SLC4A4: variants seen among roughly 807,000 people sequenced by gnomAD.
SLC4A4 encodes the protein solute carrier family 4 member 4, also known as electrogenic sodium bicarbonate cotransporter 1.
Under a neutral mutation model 111.5 loss-of-function variants are expected in SLC4A4, and 27 were observed. The observed-to-expected ratio is 0.24, with a 90% CI of 0.18 to 0.33. The LOEUF (loss-of-function observed/expected upper bound fraction) is 0.33. Ranked by LOEUF, SLC4A4 falls within the 10% of genes least tolerant of loss-of-function variation. SLC4A4 has a pLI of 1.00. For synonymous variants in SLC4A4, 443 were observed against 463.4 expected, an observed-to-expected ratio of 0.96 and a Z score of 0.57; for missense variants, 909 against 1,315.5, an observed-to-expected ratio of 0.69 and a Z score of 4.78.
chr4:71,518,659 G>A (rs1732635457), intron 16 of SLC4A4, among the ~76,000 whole-genome samples: 1 of 152,022 alleles, frequency 6.6e-6, no homozygotes, highest in East Asian at 1.9e-4. Context: ...GTCTGGCCTG[G>A]TGCTGGGGGT....
rs1233481980 is a variant in SLC4A4 at position 71,247,986 on chromosome 4, C to T, written c.74-7234C>T. On this transcript the variant is annotated intron_variant, in intron 2 of 25. Coordinates refer to ENST00000264485, the MANE Select transcript of SLC4A4 (RefSeq NM_001098484.3). ...TTGAAAGCTCTGGGGGAAACTTTGC[C>T]CAAATCAGGGTGGAGATTGCCAAGC... Among the ~76,000 whole-genome samples the T allele has an allele frequency of 3.3e-5, 5 of 152,010 alleles. No individual in the cohort carries two copies. In the East Asian group the frequency reaches 9.7e-4, roughly 29 times the overall value.
At chr4:71,421,281 G>A (rs1722462365) in intron 7 of SLC4A4, among the ~76,000 whole-genome samples, 1 of 152,154 alleles carries the variant, frequency 6.6e-6, no homozygotes, top group African/African-American at 2.4e-5. Flanking sequence ...AACAAGAAGA[G>A]CTAACTATCC....
chr4:71,447,410 T>C (rs1725335589), intron 8 of SLC4A4, among the ~76,000 whole-genome samples: 1 of 152,204 alleles, frequency 6.6e-6, no homozygotes, highest in Non-Finnish European at 1.5e-5. Context: ...GTGAAGAAGC[T>C]TCTCAGGTTT....
At chr4:71,396,820 C>A (rs1392495417) in intron 6 of SLC4A4, among the ~76,000 whole-genome samples, 1 of 152,152 alleles carries the variant, frequency 6.6e-6, no homozygotes, top group Non-Finnish European at 1.5e-5. Flanking sequence ...ATATTGACAG[C>A]TGCTATATGG....
intron 3 of SLC4A4, among the ~76,000 whole-genome samples, chr4:71,331,662 A>G (rs1405908758): frequency 6.6e-6 from 1 of 151,570 alleles, no homozygotes; most frequent in East Asian, 1.9e-4. Context: ...GCACACCAAC[A>G]TGGCACATGT....
chr4:71,158,490 G>A (rs1744536686), intron 2 of SLC4A4, among the ~76,000 whole-genome samples: 2 of 152,248 alleles, frequency 1.3e-5, no homozygotes, highest in South Asian at 2.1e-4. Context: ...GCTGAATTGA[G>A]GTTTTAAATA....
chr4:71,113,940 C>T (rs1743172048), intron 2 of SLC4A4, among the ~76,000 whole-genome samples: 1 of 152,016 alleles, frequency 6.6e-6, no homozygotes, highest in African/African-American at 2.4e-5. Flanking sequence ...AGACTAAATC[C>T]AATGTACTTT....
intron 2 of SLC4A4, among the ~76,000 whole-genome samples, chr4:71,180,753 G>A (rs1024872663): frequency 1.3e-5 from 2 of 152,144 alleles, no homozygotes; most frequent in African/African-American, 4.8e-5. Context: ...CTGTTGGTGG[G>A]ACTAAACTAA....
intron 1 of SLC4A4, among the ~76,000 whole-genome samples, chr4:71,231,442 C>T (rs937682228): frequency 3.3e-5 from 5 of 152,180 alleles, no homozygotes; most frequent in Admixed American, 6.5e-5. Context: ...CTGGTGAAAG[C>T]CGGTCCTTTT....
At chr4:71,072,928 C>A (rs114496650) in intron 1 of SLC4A4, among the ~76,000 whole-genome samples, 3 of 151,790 alleles carry the variant, frequency 2.0e-5, no homozygotes, top group Non-Finnish European at 2.9e-5. Flanking sequence ...CCACTATGCC[C>A]AGTTAATTTT....
intron 7 of SLC4A4, among the ~76,000 whole-genome samples, chr4:71,423,561 G>A (rs1479092945): frequency 6.6e-6 from 1 of 152,098 alleles, no homozygotes; most frequent in African/African-American, 2.4e-5. Flanking sequence ...GAACAAAGCT[G>A]GAGGCATCAC....
intron 2 of SLC4A4, among the ~76,000 whole-genome samples, chr4:71,100,440 A>C (rs1237163079): frequency 1.3e-5 from 2 of 152,312 alleles, no homozygotes; most frequent in Non-Finnish European, 2.9e-5. Flanking sequence ...TATTAAAGGA[A>C]ACTACCTAAA....
At position 71,540,412 on chromosome 4, in the gene SLC4A4, A is replaced by C. The variant is rs533434908; in HGVS notation, c.2443-5938A>C. Among the ~76,000 whole-genome samples the C allele has an allele frequency of 2.0e-5, 3 of 152,342 alleles. 1 individual carries two copies. In the South Asian group the frequency reaches 6.2e-4, roughly 32 times the overall value. ...TAAAGCATATACAATTTCAAAAGGA[A>C]ATAAAGTTTCACTTTCTCTCCTTGT... is the stretch of plus-strand genomic sequence containing the variant. On this transcript the variant is annotated intron_variant, in intron 18 of 25. Transcript: ENST00000264485.
chr4:71,290,917 A>T (rs1254779700), intron 3 of SLC4A4, among the ~76,000 whole-genome samples: 4 of 152,228 alleles, frequency 2.6e-5, no homozygotes, highest in African/African-American at 9.6e-5. Flanking sequence ...AGCTTGGAGT[A>T]TTTGTCAGAG....
At position 71,294,838 on chromosome 4, in the gene SLC4A4, G is replaced by T. The variant is rs28754472; in HGVS notation, c.253+39439G>T. On this transcript the variant is annotated intron_variant, in intron 3 of 25. Transcript: ENST00000264485. ...TAAAGAATGAATGGTGCCCATAATT[G>T]TTATAAATATAATATGCAGAGTTAT... 4.8e-3 allele frequency among the ~76,000 whole-genome samples: 727 copies of T among 152,270 alleles called. 5 individuals carry two copies. The highest frequency in any genetic ancestry group is 0.017 in the South Asian group (80 of 4,824).
chr4:71,135,877 T>C (rs112150152), intron 2 of SLC4A4, among the ~76,000 whole-genome samples: 121 of 152,322 alleles, frequency 7.9e-4, no homozygotes, highest in African/African-American at 2.8e-3. Flanking sequence ...GGAAGAATAC[T>C]TGTACTCTTT....
At chr4:71,143,676 G>C (rs1744076263) in intron 2 of SLC4A4, among the ~76,000 whole-genome samples, 1 of 152,180 alleles carries the variant, frequency 6.6e-6, no homozygotes, top group African/African-American at 2.4e-5. Context: ...TTGTGGTTTT[G>C]ATTTGCATTT....
chr4:71,192,766 T>G (rs1450037468), intron 1 of SLC4A4, among the ~76,000 whole-genome samples: 2 of 152,206 alleles, frequency 1.3e-5, no homozygotes, highest in Non-Finnish European at 2.9e-5. Flanking sequence ...GCGATTTACC[T>G]AAGTGAACAT....
intron 2 of SLC4A4, among the ~76,000 whole-genome samples, chr4:71,142,117 C>A (rs1452962937): frequency 6.6e-6 from 1 of 152,128 alleles, no homozygotes; most frequent in Non-Finnish European, 1.5e-5. Flanking sequence ...AAGAAAACTT[C>A]TGATACAAAC....
Sources: allele counts gnomAD v4.1 joint callset (sites outside exome capture counted in the v4.1 genomes callset), GRCh38; gene constraint gnomAD v4.1.1; transcripts MANE v1.5; gene names NCBI Gene and HGNC (gene_info 2026-07-23, HGNC 2026-07-21).